KCNQ3: variants seen among roughly 807,000 people sequenced by gnomAD.
KCNQ3 encodes potassium voltage-gated channel subfamily Q member 3.
A neutral mutation model predicts 92.5 loss-of-function variants in KCNQ3; 30 were observed. The observed-to-expected ratio is 0.32, with a 90% confidence interval of 0.24 to 0.44. The LOEUF (loss-of-function observed/expected upper bound fraction) is 0.44, where lower values mean the gene tolerates loss of function less well. KCNQ3 is among the 20% of genes least tolerant of loss of function. The pLI is 1.00. For missense variants in KCNQ3, 913 were observed against 1,140.3 expected, an observed-to-expected ratio of 0.80 and a Z score of 2.87; for synonymous variants, 450 against 468.8, an observed-to-expected ratio of 0.96 and a Z score of 0.52.
At chr8:132,450,979 C>T (rs1036723873) in intron 1 of KCNQ3, among the ~76,000 whole-genome samples, 2 of 152,184 alleles carry the variant, frequency 1.3e-5, no homozygotes, top group Non-Finnish European at 2.9e-5. Flanking sequence ...TTGTTCTGAG[C>T]CTTTCTGAAG....
intron 1 of KCNQ3, among the ~76,000 whole-genome samples, chr8:132,427,599 G>T (rs1302391286): frequency 6.6e-6 from 1 of 152,182 alleles, no homozygotes; most frequent in Admixed American, 6.5e-5. Context: ...AGCAATTTAA[G>T]ATGTAAAAAT....
chr8:132,324,748 G>A (rs1013526332), intron 1 of KCNQ3, among the ~76,000 whole-genome samples: 1 of 152,170 alleles, frequency 6.6e-6, no homozygotes, highest in Admixed American at 6.5e-5. Flanking sequence ...TATAGGCTAA[G>A]GCTAGATAGT....
intron 1 of KCNQ3, among the ~76,000 whole-genome samples, chr8:132,288,121 T>G (rs1174239056): frequency 2.6e-5 from 4 of 152,236 alleles, no homozygotes; most frequent in African/African-American, 9.6e-5. Context: ...ATGCATGACA[T>G]CTTTCCATAT....
At chr8:132,403,802 C>G (rs1820408940) in intron 1 of KCNQ3, among the ~76,000 whole-genome samples, 2 of 152,146 alleles carry the variant, frequency 1.3e-5, no homozygotes, top group African/African-American at 2.4e-5. Flanking sequence ...TAACTCTTTC[C>G]CCATCTGTCT....
chr8:132,147,226 A>G (rs943734658), intron 9 of KCNQ3, among the ~76,000 whole-genome samples: 1 of 152,184 alleles, frequency 6.6e-6, no homozygotes, highest in Non-Finnish European at 1.5e-5. Context: ...TAGTACACCA[A>G]TATTCCCTGA....
chr8:132,163,569 G>T, intron 8 of KCNQ3, 75 bp from the exon 9 acceptor site: 3 of 1,218,642 alleles, frequency 2.5e-6, no homozygotes, highest in Non-Finnish European at 3.6e-6. Context: ...AAAGATTGCT[G>T]CAAAGCTTCT....
chr8:132,181,817 G>T (rs921052982), intron 3 of KCNQ3, among the ~76,000 whole-genome samples: 2 of 152,116 alleles, frequency 1.3e-5, no homozygotes, highest in Admixed American at 1.3e-4. Flanking sequence ...ACTTTGGGAG[G>T]CCGAGGCGGG....
intron 1 of KCNQ3, among the ~76,000 whole-genome samples, chr8:132,326,904 C>T (rs939586525): frequency 4.6e-5 from 7 of 152,232 alleles, no homozygotes; most frequent in Admixed American, 2.0e-4. Flanking sequence ...GAGACTACCT[C>T]GACCATCTCA....
Position 132,195,806 on chromosome 8 carries a change from T to C in KCNQ3, c.387-9625A>G, listed in dbSNP as rs1051685834. On this transcript the variant is annotated intron_variant, in intron 1 of 14. Coordinates refer to ENST00000388996, the MANE Select transcript of KCNQ3 (RefSeq NM_004519.4). ...TCCAAAGATACAAATAGGTTGACAGTGAAAAGATAGAAAATGCTATTCCTC... is the reference window on the plus strand; with the variant it reads ...TCCAAAGATACAAATAGGTTGACAGCGAAAAGATAGAAAATGCTATTCCTC... 2.6e-5 allele frequency among the ~76,000 whole-genome samples: 4 copies of C among 152,260 alleles called. No individual in the cohort carries two copies. The South Asian group carries it at 8.3e-4, about 32-fold the overall frequency.
intron 1 of KCNQ3, among the ~76,000 whole-genome samples, chr8:132,336,907 C>T (rs1818379975): frequency 6.6e-6 from 1 of 152,132 alleles, no homozygotes; most frequent in African/African-American, 2.4e-5. Flanking sequence ...AGCCAATGGG[C>T]CTCTACAGGA....
intron 9 of KCNQ3, among the ~76,000 whole-genome samples, chr8:132,154,053 C>G (rs1416916851): frequency 6.6e-6 from 1 of 151,740 alleles, no homozygotes; most frequent in East Asian, 1.9e-4. Flanking sequence ...GTAATTGTGT[C>G]TCTGTATTAT....
At chr8:132,422,329 C>G (rs1188376123) in intron 1 of KCNQ3, among the ~76,000 whole-genome samples, 1 of 152,170 alleles carries the variant, frequency 6.6e-6, no homozygotes, top group African/African-American at 2.4e-5. Flanking sequence ...CAAGTCCAGC[C>G]ACCACCACCA....
intron 1 of KCNQ3, among the ~76,000 whole-genome samples, chr8:132,298,740 C>G (rs960318124): frequency 2.0e-5 from 3 of 152,126 alleles, no homozygotes; most frequent in Admixed American, 6.5e-5. Context: ...AAACCCATCT[C>G]TACTAAAAAA....
At chr8:132,324,146 C>G (rs1047182141) in intron 1 of KCNQ3, among the ~76,000 whole-genome samples, 4 of 152,192 alleles carry the variant, frequency 2.6e-5, no homozygotes, top group Non-Finnish European at 5.9e-5. Context: ...TCAAGCCATT[C>G]AATACCATGT....
Position 132,137,919 on chromosome 8 carries a change from C to G in KCNQ3, c.1666G>C (p.Asp556His). ...AGGTACTTTATCCTGGAAAGCATGTCGAGATGCCCGGCAGAATACTGCTCA... is the reference window on the plus strand; with the variant it reads ...AGGTACTTTATCCTGGAAAGCATGTGGAGATGCCCGGCAGAATACTGCTCA... Reference protein sequence around the residue: ...VIEQYSAGHLDMLSRIKYLQT... With the variant: ...VIEQYSAGHLHMLSRIKYLQT... Residue 556 changes from aspartate (D) to histidine (H), a missense_variant, in exon 12 of 15, where the codon GAC (aspartate) becomes CAC (histidine). Physicochemically the swap from Asp to His is moderately conservative, Grantham distance 81. Around this residue, in one of 6 missense-constraint regions of KCNQ3, gnomAD observed 182 missense variants for 234.5 expected, o/e 0.78. Coordinates refer to ENST00000388996, the MANE Select transcript of KCNQ3 (RefSeq NM_004519.4). 1 of 1,614,006 alleles carries G rather than the reference C, an allele frequency of 6.2e-7. No individual in the cohort carries two copies. The highest frequency in any genetic ancestry group is 8.5e-7 in the Non-Finnish European group (1 of 1,179,988).
intron 1 of KCNQ3, among the ~76,000 whole-genome samples, chr8:132,188,797 G>A (rs756671990): frequency 7.2e-5 from 11 of 152,320 alleles, no homozygotes; most frequent in East Asian, 1.9e-4. Context: ...TATGACCCAC[G>A]TGTTCACATG....
chr8:132,243,090 G>A (rs964682180), intron 1 of KCNQ3, among the ~76,000 whole-genome samples: 6 of 152,192 alleles, frequency 3.9e-5, no homozygotes, highest in Non-Finnish European at 8.8e-5. Context: ...AAGCCTTCAG[G>A]ATGGGAAGAC....
At chr8:132,221,385 T>C (rs1814228998) in intron 1 of KCNQ3, among the ~76,000 whole-genome samples, 1 of 152,236 alleles carries the variant, frequency 6.6e-6, no homozygotes, top group South Asian at 2.1e-4. Flanking sequence ...CTTGAGGAAC[T>C]GCCACACTGT....
chr8:132,426,553 G>A (rs547411384), intron 1 of KCNQ3, among the ~76,000 whole-genome samples: 10 of 152,212 alleles, frequency 6.6e-5, no homozygotes, highest in South Asian at 6.2e-4. Flanking sequence ...ATAAACTATC[G>A]ATCTCCCCCG....
Sources: gnomAD v4.1 joint callset for allele counts (sites outside exome capture counted in the v4.1 genomes callset) on GRCh38, gnomAD v4.1.1 for gene constraint, gnomAD v4.1.1 regional missense constraint, MANE v1.5 for transcripts, NCBI Gene and HGNC (gene_info 2026-07-23, HGNC 2026-07-21) for gene names.